The following NICN1 variants were observed in gnomAD, a reference collection of about 807,000 sequenced individuals.
NICN1 encodes the protein nicolin-1.
NICN1 carries 18 observed loss-of-function variants against 26.3 expected under a neutral mutation model. The ratio of observed to expected loss-of-function variants is 0.68; its 90% CI spans 0.47 to 1.01. The LOEUF is 1.01. Among genes scored for constraint, NICN1 ranks in the 50% least tolerant of loss-of-function variants. The pLI is 0.00. For missense variants in NICN1, 239 were observed against 278.3 expected (o/e 0.86, Z 1.00); for synonymous variants, 109 against 111.0 (o/e 0.98, Z 0.11).
At chr3:49,426,105 G>A (rs2049167310) in intron 2 of NICN1, 109 bp from the exon 3 acceptor site, 30 of 1,112,850 alleles carry the variant, frequency 2.7e-5, no homozygotes, top group African/African-American at 6.2e-5. Flanking sequence ...GGGAAGGAAG[G>A]AACAGTAGTC....
chr3:49,422,656 C>T lies in NICN1; in HGVS notation c.*2177G>A, dbSNP rs573551723. On this transcript the variant is annotated 3_prime_UTR_variant, in exon 6 of 6. Transcript: ENST00000273598. The stretch of plus-strand genomic sequence containing the variant: ...ACAGGGAAGAAGCCTCCAGCTCTTT[C>T]GGCTGACTCTTCAGGGCAGCTCGGG... 108 of 704,026 alleles carry T rather than the reference C, an allele frequency of 1.5e-4. No homozygotes were observed. Among genetic ancestry groups the T allele is most frequent in the Middle Eastern group, 1.1e-3 (3 of 2,714 alleles). The allele number at this position is 704,026 out of a possible 1,614,324, so 43.6% of individuals were successfully genotyped here. A position where few individuals can be genotyped will look rare whatever the true frequency, so the allele number is the denominator to read the frequency against.
rs568348276 is a variant in NICN1 at position 49,422,364 on chromosome 3, T to C, written c.*2469A>G. On this transcript the variant is annotated 3_prime_UTR_variant, in exon 6 of 6. Transcript: ENST00000273598. ...AGATCAGCACCCTCTATCCCACCTGTGCGCAACTAAGTGGACGACACAAGG... is the reference window on the plus strand; with the variant it reads ...AGATCAGCACCCTCTATCCCACCTGCGCGCAACTAAGTGGACGACACAAGG... 2.5e-6 allele frequency: 4 copies of C among 1,610,478 alleles called. No homozygotes were observed. In the African/African-American group the frequency reaches 5.4e-5, roughly 22 times the overall value.
chr3:49,427,658 A>G (rs998869718), intron 1 of NICN1, among the ~76,000 whole-genome samples: 6 of 151,902 alleles, frequency 3.9e-5, no homozygotes, highest in East Asian at 1.9e-4. Context: ...AAAAAAAAAA[A>G]AAAAAGAAAT....
At chr3:49,425,217 G>T (rs2107941390) in intron 4 of NICN1, 150 bp downstream of exon 4, 1 of 822,950 alleles carries the variant, frequency 1.2e-6, no homozygotes. Flanking sequence ...CCACAACAGA[G>T]ATGCCTCAAA....
In NICN1 at chr3:49,426,324, C is replaced by CCGCAGG; in HGVS notation, c.231_236dup (p.Leu78_Arg79dup). 4 of 1,614,184 alleles carry CCGCAGG rather than the reference C, an allele frequency of 2.5e-6. No individual in the cohort carries two copies. The highest frequency in any genetic ancestry group is 3.4e-6 in the Non-Finnish European group (4 of 1,180,024). The stretch of plus-strand genomic sequence containing the variant: ...GTGGGTCAGGCATTAGGCAGTAGTC[C>CCGCAGG]CGCAGGCAGGTCACCCACTTGGCAG... On this transcript the variant is annotated inframe_insertion, in exon 2 of 6. Coordinates refer to ENST00000273598, the MANE Select transcript of NICN1 (RefSeq NM_032316.3).
In NICN1 at chr3:49,422,419, A is replaced by G; in HGVS notation, c.*2414T>C. The stretch of plus-strand genomic sequence containing the variant: ...GGGGAATGCCTGCAGGCGAAAGCCC[A>G]GACGGGCCACCACACTTACAGCCCT... On this transcript the variant is annotated 3_prime_UTR_variant, in exon 6 of 6. Coordinates refer to ENST00000273598, the MANE Select transcript of NICN1 (RefSeq NM_032316.3). 1.9e-6 allele frequency: 3 copies of G among 1,613,026 alleles called. No individual in the cohort carries two copies. Among genetic ancestry groups the G allele is most frequent in the Non-Finnish European group, 2.5e-6 (3 of 1,179,850 alleles).
intron 1 of NICN1, among the ~76,000 whole-genome samples, chr3:49,427,119 A>T (rs2049177216): frequency 6.6e-6 from 1 of 152,086 alleles, no homozygotes; most frequent in Non-Finnish European, 1.5e-5. Flanking sequence ...CAGGAGATTG[A>T]GACCATCCTG....
In NICN1 at chr3:49,425,929, A is replaced by G. The variant is rs2049165743; in HGVS notation, c.377T>C (p.Leu126Pro). The G allele has an allele frequency of 1.2e-6, 2 of 1,611,012 alleles. No homozygotes were observed. Among genetic ancestry groups the G allele is most frequent in the African/African-American group, 1.3e-5 (1 of 75,002 alleles). ...LILRQPSPLW[L>P]SFTVEELQIY... is the part of the protein sequence containing the mutation. ...CTGCAGCTCCTCCACTGTGAAAGACAGCCACAGTGGTGATGGCTGCCGCAG... is the reference window on the plus strand; with the variant it reads ...CTGCAGCTCCTCCACTGTGAAAGACGGCCACAGTGGTGATGGCTGCCGCAG... The change falls in exon 3 of 6, where the codon CTG becomes CCG. Residue 126 changes from leucine (L) to proline (P), a missense_variant. Leu to Pro is a moderately conservative substitution (Grantham distance 98). Transcript: ENST00000273598.
In NICN1 at chr3:49,422,464, G is replaced by A. The variant is rs1476386576; in HGVS notation, c.*2369C>T. 8 of 1,611,424 alleles carry A rather than the reference G, an allele frequency of 5.0e-6. No homozygotes were observed. In the Admixed American group the frequency reaches 8.4e-5, roughly 17 times the overall value. On this transcript the variant is annotated 3_prime_UTR_variant, in exon 6 of 6. Coordinates refer to ENST00000273598, the MANE Select transcript of NICN1 (RefSeq NM_032316.3). ...AGCCCTCTGCATCGTCGCCTGCAACGAGTGCAGACGGCGCACAGAGGCCAC... is the reference window on the plus strand; with the variant it reads ...AGCCCTCTGCATCGTCGCCTGCAACAAGTGCAGACGGCGCACAGAGGCCAC...
rs1486479023 is a variant in NICN1 at position 49,423,221 on chromosome 3, A to T, written c.*1612T>A. 1 of 153,978 alleles carries T rather than the reference A, an allele frequency of 6.5e-6. No homozygotes were observed. 9.5% of individuals were successfully genotyped at this position (153,978 alleles called of 1,614,324 possible). A position where few individuals can be genotyped will look rare whatever the true frequency, so the allele number is the denominator to read the frequency against. The stretch of plus-strand genomic sequence containing the variant: ...CCGAGAAAACTGTTGAGCCACACAC[A>T]TGTCCAACTTTCCAGGTCCAAGACA... On this transcript the variant is annotated 3_prime_UTR_variant, in exon 6 of 6. Transcript: ENST00000273598.
At chr3:49,428,017 G>A (rs1257827203) in intron 1 of NICN1, among the ~76,000 whole-genome samples, 4 of 152,088 alleles carry the variant, frequency 2.6e-5, no homozygotes, top group Admixed American at 6.6e-5. Context: ...TCACAAGTTC[G>A]AGACCAGCCT....
At chr3:49,425,306 C>A in intron 4 of NICN1, 61 bp downstream of exon 4, 1 of 1,404,172 alleles carries the variant, frequency 7.1e-7, no homozygotes, top group Non-Finnish European at 1.0e-6. Context: ...AGGGGTCTAC[C>A]TGGCCTGTGT....
chr3:49,425,492 C>T, intron 3 of NICN1, 54 bp from the exon 4 acceptor site: 1 of 1,462,910 alleles, frequency 6.8e-7, no homozygotes, highest in Non-Finnish European at 9.3e-7. Context: ...AGCTCTGGGA[C>T]CAGATTCCAA....
chr3:49,429,098 G>A lies in NICN1; in HGVS notation c.132+10C>T. 1.2e-6 allele frequency: 2 copies of A among 1,600,392 alleles called. No homozygotes were observed. Among genetic ancestry groups the A allele is most frequent in the African/African-American group, 1.3e-5 (1 of 74,166 alleles). On this transcript the variant is annotated intron_variant, in intron 1 of 5. Coordinates refer to ENST00000273598, the MANE Select transcript of NICN1 (RefSeq NM_032316.3). Reference sequence around the variant, plus strand: ...CGGGAGCCTCGGTCGCGCCCACCAGGCTTGCTCACCTCGAAGGGAGCGACG... The same window carrying A: ...CGGGAGCCTCGGTCGCGCCCACCAGACTTGCTCACCTCGAAGGGAGCGACG...
chr3:49,428,245 G>A (rs1474661830), intron 1 of NICN1, among the ~76,000 whole-genome samples: 1 of 151,750 alleles, frequency 6.6e-6, no homozygotes, highest in East Asian at 1.9e-4. Context: ...ACAGAAACAG[G>A]TGGGGCACAG....
intron 1 of NICN1, among the ~76,000 whole-genome samples, chr3:49,428,206 G>A (rs1222022784): frequency 6.6e-6 from 1 of 151,690 alleles, no homozygotes; most frequent in East Asian, 1.9e-4. Flanking sequence ...GGCAACAAGA[G>A]TGAACCTCCA....
Position 49,422,475 on chromosome 3 carries a change from G to A in NICN1, c.*2358C>T. On this transcript the variant is annotated 3_prime_UTR_variant, in exon 6 of 6. Transcript: ENST00000273598. ...TCGTCGCCTGCAACGAGTGCAGACG[G>A]CGCACAGAGGCCACCACACTGCCAG... is the stretch of plus-strand genomic sequence containing the variant. The A allele has an allele frequency of 1.2e-5, 19 of 1,607,426 alleles. No homozygotes were observed. The highest frequency in any genetic ancestry group is 1.6e-5 in the Non-Finnish European group (19 of 1,176,280).
chr3:49,426,662 G>C (rs2049172991), intron 1 of NICN1, among the ~76,000 whole-genome samples: 1 of 151,880 alleles, frequency 6.6e-6, no homozygotes, highest in Admixed American at 6.6e-5. Flanking sequence ...CTAGTAGCCG[G>C]GACTACAGGT....
At chr3:49,425,622 G>T (rs2049163695) in intron 3 of NICN1, among the ~76,000 whole-genome samples, 184 bp from the exon 4 acceptor site, 1 of 152,034 alleles carries the variant, frequency 6.6e-6, no homozygotes, top group African/African-American at 2.4e-5. Context: ...TGTGCAGACG[G>T]AGTCCTCAGA....
Sources: gnomAD v4.1 joint callset for allele counts (sites outside exome capture counted in the v4.1 genomes callset) on GRCh38, gnomAD v4.1.1 for gene constraint, MANE v1.5 for transcripts, NCBI Gene and HGNC (gene_info 2026-07-23, HGNC 2026-07-21) for gene names.